Variants in PLSCR2 observed in about 807,000 individuals in gnomAD.
The protein encoded by PLSCR2 is PL scramblase 2.
PLSCR2 carries 18 observed loss-of-function variants against 25.3 expected under a neutral mutation model. The ratio of observed to expected loss-of-function variants is 0.71; its 90% CI spans 0.49 to 1.06. PLSCR2 has a LOEUF of 1.06. Ranked by LOEUF, PLSCR2 falls within the 50% of genes least tolerant of loss-of-function variation. PLSCR2 has a pLI of 0.00. For synonymous variants in PLSCR2, 88 were observed against 87.3 expected (o/e 1.01, Z -0.04); for missense variants, 243 against 269.5 (o/e 0.90, Z 0.69).
intron 2 of PLSCR2, among the ~76,000 whole-genome samples, chr3:146,400,045 C>T (rs1435963490): frequency 1.3e-5 from 2 of 151,642 alleles, no homozygotes; most frequent in African/African-American, 4.8e-5. Flanking sequence ...AAAACAAAGC[C>T]TCAAGCCACA....
chr3:146,473,954 C>G (rs376001710), intron 1 of PLSCR2, among the ~76,000 whole-genome samples: 2 of 152,152 alleles, frequency 1.3e-5, no homozygotes, highest in African/African-American at 4.8e-5. Flanking sequence ...TGTCCTAACC[C>G]AAAGAACAAA....
At chr3:146,481,593 T>C (rs2043132311) in intron 1 of PLSCR2, among the ~76,000 whole-genome samples, 1 of 152,130 alleles carries the variant, frequency 6.6e-6, no homozygotes, top group African/African-American at 2.4e-5. Context: ...CACAAACAAA[T>C]GGAAGAACAT....
intron 1 of PLSCR2, among the ~76,000 whole-genome samples, chr3:146,486,413 AG>A (rs1321571740): frequency 6.6e-6 from 1 of 151,706 alleles, no homozygotes; most frequent in Non-Finnish European, 1.5e-5. Context: ...AATAAAATAT[AG>A]ACTGCTAGCT....
At chr3:146,490,360 G>A (rs535165130) in intron 1 of PLSCR2, among the ~76,000 whole-genome samples, 29 of 152,122 alleles carry the variant, frequency 1.9e-4, no homozygotes, top group African/African-American at 7.0e-4. Flanking sequence ...CTGCATTCTG[G>A]GCTGACAACT....
rs373690068 is a variant in PLSCR2, at chr3:146,458,406, C to T, written c.100+5G>A. ...AGAACTATGAGCAATACAATTAATA[C>T]ATACCTTCCAGAAGTTCAATTTGCT... On this transcript the variant is annotated splice_donor_5th_base_variant and intron_variant, in intron 3 of 6. Coordinates refer to ENST00000610787, the Ensembl canonical transcript of PLSCR2. 1.7e-5 allele frequency: 26 copies of T among 1,504,308 alleles called. No individual in the cohort carries two copies. The highest frequency in any genetic ancestry group is 2.2e-5 in the Non-Finnish European group (24 of 1,107,002). 93.2% of individuals were successfully genotyped at this position (1,504,308 alleles called of 1,614,324 possible).
intron 1 of PLSCR2, among the ~76,000 whole-genome samples, chr3:146,488,312 G>A (rs1047425215): frequency 4.6e-5 from 7 of 151,988 alleles, no homozygotes; most frequent in African/African-American, 1.7e-4. Flanking sequence ...TGCAACAAAA[G>A]TAAAAATTAA....
At chr3:146,458,839 A>G (rs1173461397) in intron 2 of PLSCR2, among the ~76,000 whole-genome samples, 1 of 152,084 alleles carries the variant, frequency 6.6e-6, no homozygotes, top group Non-Finnish European at 1.5e-5. Context: ...ATCATTTTGT[A>G]GTAAGTGATA....
rs151230257 is a variant in PLSCR2, at chr3:146,425,320, C to T, written c.101-29399G>A. ...TTAAGGGGAAAGTATACCATCCAAA[C>T]GTGGCACTTCTGGAAGAAGATGCCC... On this transcript the variant is annotated intron_variant and NMD_transcript_variant, in intron 2 of 3. Transcript: ENST00000463633. Among the ~76,000 whole-genome samples, 20 of 152,236 alleles carry T rather than the reference C, an allele frequency of 1.3e-4. No homozygotes were observed. The East Asian group carries it at 2.7e-3, about 21-fold the overall frequency.
chr3:146,418,303 T>A (rs1441880453), intron 2 of PLSCR2, among the ~76,000 whole-genome samples: 1 of 152,088 alleles, frequency 6.6e-6, no homozygotes. Context: ...CTCAACACAT[T>A]ACAGTATCTA....
chr3:146,404,821 A>AG (rs1553768571), intron 2 of PLSCR2, among the ~76,000 whole-genome samples: 2,704 of 124,668 alleles, frequency 0.022, 64 homozygotes, highest in African/African-American at 0.042. Flanking sequence ...AAAAAAAAAA[A>AG]GGGGGGGGGT....
chr3:146,454,778 A>G (rs1261438384), intron 4 of PLSCR2, among the ~76,000 whole-genome samples: 1 of 152,188 alleles, frequency 6.6e-6, no homozygotes, highest in African/African-American at 2.4e-5. Context: ...ATGAAAAACA[A>G]AGGAGATAAG....
chr3:146,484,777 G>A (rs1218206935), intron 1 of PLSCR2, among the ~76,000 whole-genome samples: 1 of 151,990 alleles, frequency 6.6e-6, no homozygotes, highest in Non-Finnish European at 1.5e-5. Context: ...CCCTGCAAGA[G>A]TTCCTGAAAA....
Position 146,485,007 on chromosome 3 carries a change from G to A in PLSCR2, c.-293+10888C>T, listed in dbSNP as rs113922515. On this transcript the variant is annotated intron_variant, in intron 1 of 8. Coordinates refer to the PLSCR2 transcript ENST00000336685. Reference sequence around the variant, plus strand: ...CACAGACTGGCAAATTGGATAAGGAGTTGAGACCCATTGGTGTGCTGTATT... The same window carrying A: ...CACAGACTGGCAAATTGGATAAGGAATTGAGACCCATTGGTGTGCTGTATT... 4.5e-3 allele frequency among the ~76,000 whole-genome samples: 686 copies of A among 152,066 alleles called. 1 individual carries two copies. Among genetic ancestry groups the A allele is most frequent in the Non-Finnish European group, 8.0e-3 (546 of 67,986 alleles).
At chr3:146,428,492 A>G (rs2039431456), downstream of PLSCR2, among the ~76,000 whole-genome samples, 1 of 152,224 alleles carries the variant, frequency 6.6e-6, no homozygotes, top group Non-Finnish European at 1.5e-5. Context: ...CAGCCACAGA[A>G]TAATATTAGA....
At chr3:146,468,622 T>C (rs1409931010) in intron 1 of PLSCR2, among the ~76,000 whole-genome samples, 3 of 152,226 alleles carry the variant, frequency 2.0e-5, no homozygotes, top group African/African-American at 7.2e-5. Context: ...CATTAATTAC[T>C]GCTCAAAAAC....
At chr3:146,478,739 G>A (rs1431566987) in intron 1 of PLSCR2, among the ~76,000 whole-genome samples, 2 of 152,134 alleles carry the variant, frequency 1.3e-5, no homozygotes, top group African/African-American at 4.8e-5. Flanking sequence ...AGGAAACATA[G>A]AGAACACCAC....
chr3:146,433,793 A>G (rs2039652431), intron 8 of PLSCR2, among the ~76,000 whole-genome samples: 2 of 152,148 alleles, frequency 1.3e-5, no homozygotes, highest in South Asian at 4.1e-4. Context: ...GAGGTCATCT[A>G]GACATTGCTT....
At chr3:146,431,864 T>A (rs1252634484), downstream of PLSCR2, among the ~76,000 whole-genome samples, 1 of 143,930 alleles carries the variant, frequency 6.9e-6, no homozygotes. Flanking sequence ...CATCAAGCAT[T>A]AAAAAAAAAA....
upstream of PLSCR2, among the ~76,000 whole-genome samples, chr3:146,463,427 T>C (rs1168922510): frequency 6.6e-6 from 1 of 152,186 alleles, no homozygotes; most frequent in African/African-American, 2.4e-5. Flanking sequence ...AGTGCTGGGA[T>C]TACAGGCGTG....
Sources: allele counts gnomAD v4.1 joint callset (sites outside exome capture counted in the v4.1 genomes callset), GRCh38; gene constraint gnomAD v4.1.1; transcripts MANE v1.5; gene names NCBI Gene and HGNC (gene_info 2026-07-23, HGNC 2026-07-21).